CHN2: variants seen among roughly 807,000 people sequenced by gnomAD.
CHN2 encodes the protein beta-chimaerin.
CHN2 carries 35 observed loss-of-function variants against 56.3 expected under a neutral mutation model. That is an observed-to-expected ratio of 0.62 (90% confidence interval 0.47 to 0.82). The LOEUF (loss-of-function observed/expected upper bound fraction) is 0.82. CHN2 is among the 40% of genes least tolerant of loss of function. The pLI is 0.00. For synonymous variants in CHN2, 210 were observed against 212.8 expected, an observed-to-expected ratio of 0.99 and a Z score of 0.12; for missense variants, 491 against 580.5, an observed-to-expected ratio of 0.85 and a Z score of 1.58.
chr7:29,461,692 A>C (rs1785170396), intron 6 of CHN2, among the ~76,000 whole-genome samples: 1 of 152,204 alleles, frequency 6.6e-6, no homozygotes, highest in Non-Finnish European at 1.5e-5. Flanking sequence ...CTTAAATGAG[A>C]ACAGAGGTTA....
chr7:29,394,334 A>C (rs562870318), intron 4 of CHN2, among the ~76,000 whole-genome samples: 1 of 152,350 alleles, frequency 6.6e-6, no homozygotes, highest in South Asian at 2.1e-4. Flanking sequence ...TGTGTACAGC[A>C]CAACACAGAG....
chr7:29,462,703 A>G (rs1348328254), intron 6 of CHN2, among the ~76,000 whole-genome samples: 5 of 152,194 alleles, frequency 3.3e-5, no homozygotes. Context: ...ACAAGGAAGA[A>G]GCTTCATTGC....
chr7:29,410,428 A>G (rs1414816724), intron 6 of CHN2, among the ~76,000 whole-genome samples: 1 of 152,124 alleles, frequency 6.6e-6, no homozygotes, highest in African/African-American at 2.4e-5. Context: ...ATAAGTATTT[A>G]GGGTTCTCTT....
intron 6 of CHN2, among the ~76,000 whole-genome samples, chr7:29,435,392 GA>G (rs886762106): frequency 1.3e-5 from 2 of 152,140 alleles, no homozygotes; most frequent in African/African-American, 4.8e-5. Context: ...TAATGACAGG[GA>G]TTCATTCTGA....
At chr7:29,324,795 C>G (rs1165712421) in intron 1 of CHN2, among the ~76,000 whole-genome samples, 2 of 152,086 alleles carry the variant, frequency 1.3e-5, no homozygotes, top group African/African-American at 4.8e-5. Context: ...GGGTTTATTT[C>G]TTGTAAATAT....
intron 2 of CHN2, among the ~76,000 whole-genome samples, chr7:29,176,364 G>GAA (rs979527259): frequency 6.6e-6 from 1 of 150,504 alleles, no homozygotes; most frequent in African/African-American, 2.4e-5. Context: ...AGAGGAAAAA[G>GAA]AAAAAAAAAT....
chr7:29,312,391 C>T (rs1794666886), intron 1 of CHN2, among the ~76,000 whole-genome samples: 1 of 152,086 alleles, frequency 6.6e-6, no homozygotes, highest in South Asian at 2.1e-4. Flanking sequence ...ACTCATCAAG[C>T]ACAATGTGAT....
chr7:29,158,833 G>C (rs74981489), intron 2 of CHN2, among the ~76,000 whole-genome samples: 2,466 of 152,254 alleles, frequency 0.016, 56 homozygotes, highest in African/African-American at 0.056. Flanking sequence ...AACTCTTAGA[G>C]AGATACTTCT....
chr7:29,299,672 T>A (rs910844150), intron 1 of CHN2, among the ~76,000 whole-genome samples: 1 of 152,122 alleles, frequency 6.6e-6, no homozygotes, highest in Non-Finnish European at 1.5e-5. Flanking sequence ...CTCTAACTTA[T>A]AAGAGTAATG....
intron 1 of CHN2, among the ~76,000 whole-genome samples, chr7:29,195,621 A>AGG (rs1439305489): frequency 6.0e-4 from 76 of 127,510 alleles, no homozygotes; most frequent in African/African-American, 2.4e-3. Context: ...AGAGAGAGAG[A>AGG]GAGAGAGAGT....
chr7:29,149,963 C>T (rs1054890989), intron 2 of CHN2, among the ~76,000 whole-genome samples: 3 of 152,226 alleles, frequency 2.0e-5, no homozygotes, highest in Admixed American at 2.0e-4. Context: ...AATAAGGCCA[C>T]TTCACTGCTG....
intron 1 of CHN2, among the ~76,000 whole-genome samples, chr7:29,248,461 C>A (rs1032195045): frequency 6.6e-6 from 1 of 152,190 alleles, no homozygotes; most frequent in Non-Finnish European, 1.5e-5. Flanking sequence ...TTGGGCCCTG[C>A]GTCTCACCCG....
At chr7:29,446,726 G>T (rs1194991149) in intron 6 of CHN2, among the ~76,000 whole-genome samples, 1 of 152,186 alleles carries the variant, frequency 6.6e-6, no homozygotes, top group African/African-American at 2.4e-5. Flanking sequence ...AAATTCAGCC[G>T]TATTAGTGCA....
chr7:29,166,310 A>G (rs1157865541), intron 2 of CHN2, among the ~76,000 whole-genome samples: 2 of 152,192 alleles, frequency 1.3e-5, no homozygotes, highest in African/African-American at 2.4e-5. Flanking sequence ...GATTAGAGGC[A>G]TGAGCCACTG....
chr7:29,239,133 T>G (rs1787442564), intron 1 of CHN2, among the ~76,000 whole-genome samples: 1 of 152,196 alleles, frequency 6.6e-6, no homozygotes, highest in Non-Finnish European at 1.5e-5. Context: ...TTTAGGGGAC[T>G]GTTCCAATAA....
chr7:29,260,202 C>T (rs1032500224), intron 1 of CHN2, among the ~76,000 whole-genome samples: 12 of 152,256 alleles, frequency 7.9e-5, no homozygotes, highest in Admixed American at 7.8e-4. Flanking sequence ...GTCTTGAACT[C>T]CTGACCTCAG....
At chr7:29,439,871 G>A (rs1232600295) in intron 6 of CHN2, among the ~76,000 whole-genome samples, 1 of 152,110 alleles carries the variant, frequency 6.6e-6, no homozygotes, top group Non-Finnish European at 1.5e-5. Context: ...TATCTCATTA[G>A]GTTCTCACAA....
chr7:29,204,309 A>C (rs1784376897), intron 1 of CHN2, among the ~76,000 whole-genome samples: 1 of 152,148 alleles, frequency 6.6e-6, no homozygotes, highest in South Asian at 2.1e-4. Context: ...TATCAAGGGA[A>C]ATGAAAAGTC....
chr7:29,336,244 G>T (rs1796607120), intron 1 of CHN2: 1 of 152,158 alleles, frequency 6.6e-6, no homozygotes, highest in Non-Finnish European at 1.5e-5. Flanking sequence ...GGCTATGTAA[G>T]ACAGGTACTG....
Sources: gnomAD v4.1 joint callset for allele counts (sites outside exome capture counted in the v4.1 genomes callset) on GRCh38, gnomAD v4.1.1 for gene constraint, MANE v1.5 for transcripts, NCBI Gene and HGNC (gene_info 2026-07-23, HGNC 2026-07-21) for gene names.